EPB41L1: variants seen among roughly 807,000 people sequenced by gnomAD.
The protein encoded by EPB41L1 is band 4.1-like protein 1.
In EPB41L1, 29 loss-of-function variants were observed where a neutral mutation model predicts 97.8. The observed-to-expected ratio is 0.30, with a 90% CI of 0.22 to 0.40. The LOEUF (loss-of-function observed/expected upper bound fraction) is 0.40. Ranked by LOEUF, EPB41L1 falls within the 10% of genes least tolerant of loss-of-function variation. The pLI is 1.00. For synonymous variants in EPB41L1, 383 were observed against 459.2 expected (o/e 0.83, Z 2.12); for missense variants, 812 against 1,162.3 (o/e 0.70, Z 4.38).
chr20:36,200,246 G>C (rs1263561258), intron 14 of EPB41L1, among the ~76,000 whole-genome samples: 1 of 152,190 alleles, frequency 6.6e-6, no homozygotes, highest in Non-Finnish European at 1.5e-5. Context: ...TGGGAAAGTA[G>C]AGTGAAATAA....
intron 14 of EPB41L1, 80 bp downstream of exon 14, chr20:36,198,121 C>A: frequency 1.5e-6 from 2 of 1,294,118 alleles, no homozygotes; most frequent in Non-Finnish European, 2.2e-6. Flanking sequence ...TACACTCATC[C>A]TCCACACCAA....
upstream of EPB41L1, among the ~76,000 whole-genome samples, chr20:36,150,072 T>G (rs1600599863): frequency 6.7e-6 from 1 of 148,832 alleles, no homozygotes; most frequent in Non-Finnish European, 1.5e-5. Flanking sequence ...GTTTTTTTGT[T>G]TTTTTTTTTT....
intron 1 of EPB41L1, among the ~76,000 whole-genome samples, chr20:36,107,898 T>C (rs966633552): frequency 2.6e-5 from 4 of 152,064 alleles, no homozygotes; most frequent in African/African-American, 9.7e-5. Context: ...TGAATCAAGA[T>C]GTGTTGTAAG....
rs1273933465 is a variant in EPB41L1 at position 36,160,614 on chromosome 20, GA to G, written c.-15+5725del. On this transcript the variant is annotated intron_variant, in intron 1 of 21. Coordinates refer to ENST00000338074, the MANE Select transcript of EPB41L1 (RefSeq NM_012156.2). ...CAAAAAAAAAAAAGAAAGAAAGAAA[GA>G]AAAAAAGTGTATTCTCCCCTTAGAT... is the stretch of plus-strand genomic sequence containing the variant. 4.6e-5 allele frequency among the ~76,000 whole-genome samples: 7 copies of G among 151,028 alleles called. No individual in the cohort carries two copies. In the East Asian group the frequency reaches 1.4e-3, roughly 29 times the overall value.
intron 1 of EPB41L1, chr20:36,091,746 G>A: frequency 6.6e-6 from 1 of 152,180 alleles, no homozygotes; most frequent in East Asian, 1.9e-4. Flanking sequence ...ATTATTCCGG[G>A]CACTTCTGGA....
chr20:36,136,380 G>A (rs571950254), intron 2 of EPB41L1, among the ~76,000 whole-genome samples: 3 of 133,744 alleles, frequency 2.2e-5, no homozygotes, highest in East Asian at 2.2e-4. Flanking sequence ...GGGTTTCACC[G>A]TGTTGCCCAG....
Position 36,168,916 on chromosome 20 carries a change from T to C in EPB41L1, c.-14-4848T>C, listed in dbSNP as rs571391871. Among the ~76,000 whole-genome samples, 10 of 151,296 alleles carry C rather than the reference T, an allele frequency of 6.6e-5. No individual in the cohort carries two copies. The South Asian group carries it at 2.1e-3, about 32-fold the overall frequency. On this transcript the variant is annotated intron_variant, in intron 1 of 21. Coordinates refer to ENST00000338074, the MANE Select transcript of EPB41L1 (RefSeq NM_012156.2). ...CACCATCCTGAGAGGGAGGGAGGAGTGTCTCTGTTTTATTAAACAGGCAAC... is the reference window on the plus strand; with the variant it reads ...CACCATCCTGAGAGGGAGGGAGGAGCGTCTCTGTTTTATTAAACAGGCAAC...
intron 14 of EPB41L1, among the ~76,000 whole-genome samples, chr20:36,203,502 C>T (rs1364698467): frequency 2.6e-5 from 4 of 152,246 alleles, no homozygotes; most frequent in Non-Finnish European, 5.9e-5. Context: ...CTTATCTAGC[C>T]TAGTTGCTAG....
chr20:36,221,635 T>G (rs558715682), intron 19 of EPB41L1, among the ~76,000 whole-genome samples: 1 of 152,272 alleles, frequency 6.6e-6, no homozygotes, highest in South Asian at 2.1e-4. Flanking sequence ...GGAGCTAGGC[T>G]TGGAAGACCT....
In EPB41L1 at chr20:36,154,978, C is replaced by A; in HGVS notation, c.-15+82C>A. ...CCCAGCCTCCAGCCCTGGGGAGGAA[C>A]GGGGGCGAGGCCGAGAACTGAGTTT... On this transcript the variant is annotated intron_variant, in intron 1 of 21. Transcript: ENST00000338074. The surrounding 1 kb of genome is among the most constrained non-coding windows in gnomAD (Gnocchi z 5.5). 8.8e-7 allele frequency: 1 copy of A among 1,137,668 alleles called. No homozygotes were observed. The highest frequency in any genetic ancestry group is 1.1e-6 in the Non-Finnish European group (1 of 894,922). The allele number at this position is 1,137,668 out of a possible 1,614,324, so 70.5% of individuals were successfully genotyped here.
intron 14 of EPB41L1, among the ~76,000 whole-genome samples, chr20:36,202,724 A>T (rs1433173517): frequency 1.3e-5 from 2 of 151,414 alleles, no homozygotes; most frequent in African/African-American, 4.9e-5. Context: ...GAGGCAGGAG[A>T]ATCGCTTGAA....
chr20:36,114,994 G>A (rs2058539835), intron 2 of EPB41L1, among the ~76,000 whole-genome samples: 1 of 152,092 alleles, frequency 6.6e-6, no homozygotes, highest in South Asian at 2.1e-4. Flanking sequence ...CCTGCAGGGG[G>A]CTGTAACTCC....
At chr20:36,161,315 A>T (rs763864701) in intron 1 of EPB41L1, among the ~76,000 whole-genome samples, 2 of 152,064 alleles carry the variant, frequency 1.3e-5, no homozygotes, top group Non-Finnish European at 2.9e-5. Flanking sequence ...TCTGTACCTC[A>T]GTTTGTCCAT....
At chr20:36,194,766 A>G (rs1318515373) in intron 12 of EPB41L1, among the ~76,000 whole-genome samples, 1 of 151,676 alleles carries the variant, frequency 6.6e-6, no homozygotes, top group Non-Finnish European at 1.5e-5. Flanking sequence ...TCCCCTTCCT[A>G]TTTCCCCATG....
rs757969114 is a variant in EPB41L1 at position 36,207,079 on chromosome 20, A to C, written c.1669-2409A>C. 1.6e-6 allele frequency: 2 copies of C among 1,289,128 alleles called. No individual in the cohort carries two copies. The highest frequency in any genetic ancestry group is 3.0e-5 in the African/African-American group (2 of 65,864). The allele number at this position is 1,289,128 out of a possible 1,614,324, so 79.9% of individuals were successfully genotyped here. A position where few individuals can be genotyped will look rare whatever the true frequency, so the allele number is the denominator to read the frequency against. On this transcript the variant is annotated intron_variant, in intron 14 of 21. Coordinates refer to ENST00000338074, the MANE Select transcript of EPB41L1 (RefSeq NM_012156.2). The surrounding 1 kb of genome is among the most constrained non-coding windows in gnomAD (Gnocchi z 4.9). ...AGCATTTCTTCACATGGAGGTGATC[A>C]TTCCCCTGCCAGCCTCCCCTGGTCA...
chr20:36,193,876 C>T (rs556892856), intron 11 of EPB41L1, among the ~76,000 whole-genome samples: 12 of 152,310 alleles, frequency 7.9e-5, no homozygotes, highest in Admixed American at 4.6e-4. Flanking sequence ...TCCTCACCTC[C>T]GCTTTCTAAA....
intron 2 of EPB41L1, among the ~76,000 whole-genome samples, chr20:36,141,836 G>C (rs779775258): frequency 1.3e-5 from 2 of 152,072 alleles, no homozygotes; most frequent in Admixed American, 6.6e-5. Context: ...GGCCAGGCAC[G>C]GTGGCTCACG....
At position 36,120,422 on chromosome 20, in the gene EPB41L1, G is replaced by A. The variant is rs538599167; in HGVS notation, c.-10+7942G>A. On this transcript the variant is annotated intron_variant, in intron 2 of 19. Transcript: ENST00000202028. Reference sequence around the variant, plus strand: ...TGAGTGAGCAAAGAGGGACTGGTCCGGTGAACTTGGCAAACCACAGAAGCA... The same window carrying A: ...TGAGTGAGCAAAGAGGGACTGGTCCAGTGAACTTGGCAAACCACAGAAGCA... 2.6e-5 allele frequency among the ~76,000 whole-genome samples: 4 copies of A among 152,310 alleles called. No individual in the cohort carries two copies. The South Asian group carries it at 6.2e-4, about 24-fold the overall frequency.
chr20:36,198,652 G>A (rs2062338586), intron 14 of EPB41L1, among the ~76,000 whole-genome samples: 1 of 152,178 alleles, frequency 6.6e-6, no homozygotes, highest in Non-Finnish European at 1.5e-5. Flanking sequence ...TTTCTCGATT[G>A]AAGAAGAGAT....
Sources: gnomAD v4.1 joint callset for allele counts (sites outside exome capture counted in the v4.1 genomes callset) on GRCh38, gnomAD v4.1.1 for gene constraint, Gnocchi (gnomAD v3.1) non-coding constraint, MANE v1.5 for transcripts, NCBI Gene and HGNC (gene_info 2026-07-23, HGNC 2026-07-21) for gene names.